The following SCAF8 variants were observed in gnomAD, a reference collection of about 807,000 sequenced individuals.
The protein encoded by SCAF8 is SR-related and CTD-associated factor 8.
SCAF8 carries 23 observed loss-of-function variants against 140.5 expected under a neutral mutation model. The observed-to-expected ratio is 0.16, with a 90% CI of 0.12 to 0.23. The LOEUF is 0.23. Among genes scored for constraint, SCAF8 ranks in the 10% least tolerant of loss-of-function variants. The pLI, the probability that SCAF8 is intolerant of heterozygous loss-of-function variation, is 1.00. For synonymous variants in SCAF8, 575 were observed against 528.9 expected, an observed-to-expected ratio of 1.09 and a Z score of -1.20; for missense variants, 1,397 against 1,555.7, an observed-to-expected ratio of 0.90 and a Z score of 1.72.
At chr6:154,743,627 T>C (rs1369801915) in intron 1 of SCAF8, among the ~76,000 whole-genome samples, 2 of 152,220 alleles carry the variant, frequency 1.3e-5, no homozygotes, top group Admixed American at 6.5e-5. Flanking sequence ...CCATGTACTT[T>C]AGTGTGTAGA....
intron 6 of SCAF8, among the ~76,000 whole-genome samples, chr6:154,796,716 T>C (rs1007434531): frequency 6.6e-6 from 1 of 152,146 alleles, no homozygotes; most frequent in Non-Finnish European, 1.5e-5. Context: ...CTCACACTTG[T>C]AATCCCAGTA....
At chr6:154,739,433 T>C (rs1778511655) in intron 1 of SCAF8, among the ~76,000 whole-genome samples, 1 of 152,248 alleles carries the variant, frequency 6.6e-6, no homozygotes, top group Admixed American at 6.5e-5. Context: ...TCAGGTCCTT[T>C]GTATAGCTAG....
chr6:154,751,984 C>T (rs1210577628), intron 1 of SCAF8, among the ~76,000 whole-genome samples: 1 of 152,202 alleles, frequency 6.6e-6, no homozygotes, highest in Non-Finnish European at 1.5e-5. Flanking sequence ...GAGTCCAAAG[C>T]TCATGTATTT....
intron 7 of SCAF8, among the ~76,000 whole-genome samples, chr6:154,803,225 C>T (rs1281032962): frequency 6.6e-6 from 1 of 151,876 alleles, no homozygotes; most frequent in Non-Finnish European, 1.5e-5. Flanking sequence ...TGAATATGGC[C>T]CTAGATGTTT....
chr6:154,806,556 ATTCT>A (rs1319318227), intron 9 of SCAF8, among the ~76,000 whole-genome samples: 1 of 152,184 alleles, frequency 6.6e-6, no homozygotes, highest in East Asian at 1.9e-4. Context: ...ACCTGGCAGA[ATTCT>A]TTATTTTTGT....
At position 154,756,558 on chromosome 6, in the gene SCAF8, T is replaced by C. The variant is rs533508084; in HGVS notation, c.31-17431T>C. On this transcript the variant is annotated intron_variant, in intron 1 of 19. Transcript: ENST00000367178. ...TGTTAATCAGTTGAATTTGGTTTTG[T>C]ATTCCCCAGTTGTCTAGTTGTTTTT... Among the ~76,000 whole-genome samples the C allele has an allele frequency of 1.7e-4, 26 of 152,368 alleles. No individual in the cohort carries two copies. The South Asian group carries it at 5.4e-3, about 32-fold the overall frequency.
rs771188170 is a variant in SCAF8 at position 154,810,119 on chromosome 6, G to T, written c.1331G>T (p.Arg444Leu). The change falls in exon 12 of 20, where the codon CGG becomes CTG. Residue 444 changes from arginine to leucine, a missense_variant. By Grantham distance (102) the Arg-to-Leu change is moderately radical. Around this residue, in one of 5 missense-constraint regions of SCAF8, gnomAD observed 339 missense variants for 407.5 expected, o/e 0.83. Coordinates refer to ENST00000367178, the MANE Select transcript of SCAF8 (RefSeq NM_014892.5). ...AGAGAAAGAAAGAGGAAATCATCAC[G>T]GTCGTATTCAAGTGAAAGGAGAGCC... Reference protein sequence around the residue: ...RSRERKRKSSRSYSSERRARE... With the variant: ...RSRERKRKSSLSYSSERRARE... 6.2e-7 allele frequency: 1 copy of T among 1,613,802 alleles called. No homozygotes were observed. The highest frequency in any genetic ancestry group is 8.5e-7 in the Non-Finnish European group (1 of 1,179,826).
In SCAF8 at chr6:154,810,147, A is replaced by C; in HGVS notation, c.1359A>C (p.Arg453Ser). Reference protein sequence around the residue: ...SRSYSSERRAREREKERQKKG... With the variant: ...SRSYSSERRASEREKERQKKG... ...CGTATTCAAGTGAAAGGAGAGCCAG[A>C]GAAAGGGAGAAAGAACGACAGAAAA... Residue 453 changes from arginine (R) to serine (S), a missense_variant, in exon 12 of 20, where the codon AGA becomes AGC. Coordinates refer to ENST00000367178, the MANE Select transcript of SCAF8 (RefSeq NM_014892.5). 1 of 1,613,684 alleles carries C rather than the reference A, an allele frequency of 6.2e-7. No individual in the cohort carries two copies. The highest frequency in any genetic ancestry group is 1.1e-5 in the South Asian group (1 of 91,054).
intron 14 of SCAF8, among the ~76,000 whole-genome samples, 198 bp from the exon 15 acceptor site, chr6:154,819,979 A>G (rs1778365560): frequency 6.6e-6 from 1 of 152,180 alleles, no homozygotes; most frequent in African/African-American, 2.4e-5. Context: ...ACTGAGTGAG[A>G]CCCTGTCTCA....
At chr6:154,777,637 C>G (rs796261052) in intron 2 of SCAF8, among the ~76,000 whole-genome samples, 2 of 152,168 alleles carry the variant, frequency 1.3e-5, no homozygotes, top group South Asian at 4.1e-4. Flanking sequence ...GAAATCTGTA[C>G]TTTTCCTTTC....
intron 1 of SCAF8, among the ~76,000 whole-genome samples, chr6:154,767,400 A>C (rs1370448928): frequency 6.6e-6 from 1 of 151,628 alleles, no homozygotes; most frequent in African/African-American, 2.4e-5. Context: ...CTCCAGAATA[A>C]GGTACTTTCA....
chr6:154,797,781 A>G (rs1777648346), intron 6 of SCAF8, among the ~76,000 whole-genome samples: 1 of 151,504 alleles, frequency 6.6e-6, no homozygotes, highest in Non-Finnish European at 1.5e-5. Context: ...ACTTTGTGGT[A>G]TTTAGAGTTA....
chr6:154,787,844 C>CT lies in SCAF8; in HGVS notation c.160-15dup. 3.2e-6 allele frequency: 5 copies of CT among 1,571,750 alleles called. No homozygotes were observed. The highest frequency in any genetic ancestry group is 3.5e-6 in the Non-Finnish European group (4 of 1,158,268). ...CTTTCCGTTTCCTTTCCTTTTCATTCTTCTTTTTTTCATCAGTGTAAACCA... is the reference window on the plus strand; with the variant it reads ...CTTTCCGTTTCCTTTCCTTTTCATTCTTTCTTTTTTTCATCAGTGTAAACCA... On this transcript the variant is annotated splice_polypyrimidine_tract_variant and intron_variant, in intron 3 of 19. Coordinates refer to ENST00000367178, the MANE Select transcript of SCAF8 (RefSeq NM_014892.5).
intron 1 of SCAF8, among the ~76,000 whole-genome samples, chr6:154,759,378 G>T (rs903243833): frequency 2.6e-5 from 4 of 151,982 alleles, no homozygotes; most frequent in African/African-American, 7.2e-5. Context: ...ATTTTTCTTT[G>T]TTTCAAAGCA....
In SCAF8 at chr6:154,824,398, A is replaced by G; in HGVS notation, c.2071+20A>G. 1 of 1,593,768 alleles carries G rather than the reference A, an allele frequency of 6.3e-7. No individual in the cohort carries two copies. Among genetic ancestry groups the G allele is most frequent in the Non-Finnish European group, 8.6e-7 (1 of 1,162,636 alleles). The stretch of plus-strand genomic sequence containing the variant: ...CACCTGGTAAGGAATTTTTGTTTTA[A>G]TATTTGAACTCTATTTAGATTATCA... On this transcript the variant is annotated intron_variant, in intron 17 of 19. Transcript: ENST00000367178.
intron 12 of SCAF8, among the ~76,000 whole-genome samples, chr6:154,811,605 G>C (rs947874574): frequency 6.6e-6 from 1 of 152,066 alleles, no homozygotes; most frequent in South Asian, 2.1e-4. Flanking sequence ...TGTTACATAG[G>C]TATACATGTA....
rs749924911 is a variant in SCAF8, at chr6:154,831,062, A to T, written c.2281A>T (p.Thr761Ser). The T allele has an allele frequency of 3.1e-6, 5 of 1,613,910 alleles. No individual in the cohort carries two copies. Among genetic ancestry groups the T allele is most frequent in the Non-Finnish European group, 3.4e-6 (4 of 1,179,936 alleles). ...AGCTGGAAATGTTTTTAATGCTCCA[A>T]CTAAACAGGCAGAGCCTGAAGAAAA... ...LPAGNVFNAP[T>S]KQAEPEEKVP... is the part of the protein sequence containing the mutation. The change falls in exon 19 of 20, where the codon ACT becomes TCT. Residue 761 changes from threonine to serine, a missense_variant. Transcript: ENST00000367178.
chr6:154,788,077 T>A, intron 4 of SCAF8, 55 bp downstream of exon 4: 2 of 1,423,494 alleles, frequency 1.4e-6, no homozygotes, highest in Non-Finnish European at 1.9e-6. Flanking sequence ...AGTAGCCTCT[T>A]GGTCTTAATT....
rs998218355 is a variant in SCAF8 at position 154,733,662 on chromosome 6, C to A, written c.-239C>A. The A allele has an allele frequency of 5.4e-6, 7 of 1,300,908 alleles. No homozygotes were observed. The highest frequency in any genetic ancestry group is 6.8e-6 in the Non-Finnish European group (7 of 1,028,112). 80.6% of individuals were successfully genotyped at this position (1,300,908 alleles called of 1,614,324 possible). On this transcript the variant is annotated 5_prime_UTR_variant, in exon 1 of 20. The change creates a new upstream start codon in the 5' untranslated region. Coordinates refer to ENST00000367178, the MANE Select transcript of SCAF8 (RefSeq NM_014892.5). ...CCGCCGACCCGCCCCGGCAGCGCCT[C>A]TGTTCCCTAGAACGGCGCTCCCCCC...
Sources: allele counts gnomAD v4.1 joint callset (sites outside exome capture counted in the v4.1 genomes callset), GRCh38; gene constraint gnomAD v4.1.1; regional missense constraint gnomAD v4.1.1; transcripts MANE v1.5; gene names NCBI Gene and HGNC (gene_info 2026-07-23, HGNC 2026-07-21).